The following SFI1 variants were observed in gnomAD, a reference collection of about 807,000 sequenced individuals.
SFI1 encodes the protein protein SFI1 homolog.
In SFI1, 195 loss-of-function variants were observed where a neutral mutation model predicts 207.5. The observed-to-expected ratio is 0.94, with a 90% CI of 0.84 to 1.06. SFI1 has a LOEUF of 1.06. SFI1 is among the 50% of genes least tolerant of loss of function. SFI1 has a pLI of 0.00. For synonymous variants in SFI1, 630 were observed against 598.9 expected (o/e 1.05, Z -0.76); for missense variants, 1,634 against 1,588.0 (o/e 1.03, Z -0.49).
chr22:31,596,254 AAAAT>A (rs2067093856), intron 15 of SFI1, among the ~76,000 whole-genome samples: 1 of 152,122 alleles, frequency 6.6e-6, no homozygotes, highest in African/African-American at 2.4e-5. Context: ...ACTCCATCTC[AAAAT>A]AAATATCTCT....
intron 8 of SFI1, 90 bp from the exon 9 acceptor site, chr22:31,572,968 C>A (rs1043322419): frequency 1.5e-6 from 2 of 1,324,388 alleles, no homozygotes; most frequent in Non-Finnish European, 2.1e-6. Flanking sequence ...GCCTTTCCAG[C>A]GTGTGTGCCT....
intron 14 of SFI1, chr22:31,587,357 A>G: frequency 2.7e-6 from 1 of 374,834 alleles, no homozygotes; most frequent in Non-Finnish European, 5.6e-6. Flanking sequence ...GCTGGAGTAC[A>G]GTGGCATGAT....
chr22:31,589,564 ACACGTTTC>A lies in SFI1; in HGVS notation c.1535_1542del (p.Arg512GlnfsTer40). 2 of 1,612,546 alleles carry A rather than the reference ACACGTTTC, an allele frequency of 1.2e-6. No homozygotes were observed. Among genetic ancestry groups the A allele is most frequent in the Non-Finnish European group, 1.7e-6 (2 of 1,179,670 alleles). On this transcript the variant is annotated frameshift_variant, in exon 15 of 33. Coordinates refer to ENST00000400288, the MANE Select transcript of SFI1 (RefSeq NM_001007467.3). LOFTEE classifies it high-confidence loss of function. ...GGAAAATGTCCTCAGTGCAAGAGCAACACGTTTCCACAGGTATGTTGCGCAGCTCCTGT... is the reference window on the plus strand; with the variant it reads ...GGAAAATGTCCTCAGTGCAAGAGCAACACAGGTATGTTGCGCAGCTCCTGT...
chr22:31,602,987 C>A (rs2068361013), intron 17 of SFI1, among the ~76,000 whole-genome samples: 1 of 152,240 alleles, frequency 6.6e-6, no homozygotes, highest in African/African-American at 2.4e-5. Flanking sequence ...AATCCCAGCA[C>A]TTTGGGAGGC....
chr22:31,618,258 G>A, intron 32 of SFI1, 32 bp downstream of exon 32: 1 of 1,599,604 alleles, frequency 6.3e-7, no homozygotes, highest in Admixed American at 1.8e-5. Flanking sequence ...AGGTGTCCCT[G>A]GGGACGCCCC....
At chr22:31,518,681 A>G (rs1361652403) in intron 2 of SFI1, among the ~76,000 whole-genome samples, 1 of 152,162 alleles carries the variant, frequency 6.6e-6, no homozygotes, top group Non-Finnish European at 1.5e-5. Flanking sequence ...GTGTCTGGAA[A>G]CTTAGATTTC....
Position 31,604,325 on chromosome 22 carries a change from G to A in SFI1, c.1898G>A (p.Gly633Glu), listed in dbSNP as rs776009958. Reference protein sequence around the residue: ...SQWRECLALRGAERQKLMRAD... With the variant: ...SQWRECLALREAERQKLMRAD... ...TGTCTGCAGTGCCTGGCCCTGCGGG[G>A]AGCGGAGCGGCAGAAGCTGATGCGA... The change falls in exon 19 of 33, where the codon GGA (glycine) becomes GAA (glutamate). Residue 633 changes from glycine to glutamate, a missense_variant. By Grantham distance (98) the Gly-to-Glu change is moderately conservative (BLOSUM62 -2). Coordinates refer to ENST00000400288, the MANE Select transcript of SFI1 (RefSeq NM_001007467.3). 2 of 1,578,350 alleles carry A rather than the reference G, an allele frequency of 1.3e-6. No homozygotes were observed. Among genetic ancestry groups the A allele is most frequent in the Non-Finnish European group, 1.7e-6 (2 of 1,164,138 alleles).
At chr22:31,500,516 G>A (rs1480238250) in intron 1 of SFI1, among the ~76,000 whole-genome samples, 1 of 152,202 alleles carries the variant, frequency 6.6e-6, no homozygotes, top group East Asian at 1.9e-4. Context: ...GGAATGCATT[G>A]GCATGATCTT....
At chr22:31,597,981 G>GTTTT (rs538696335) in intron 15 of SFI1, among the ~76,000 whole-genome samples, 1 of 144,124 alleles carries the variant, frequency 6.9e-6, no homozygotes, top group Non-Finnish European at 1.5e-5. Flanking sequence ...GTTTTCATAG[G>GTTTT]TTTTTTTTTT....
intron 12 of SFI1, among the ~76,000 whole-genome samples, chr22:31,582,554 T>C (rs2146198213): frequency 6.6e-6 from 1 of 152,048 alleles, no homozygotes; most frequent in African/African-American, 2.4e-5. Context: ...ACCCGGCCTA[T>C]TATATTTTTT....
At chr22:31,601,636 C>G (rs1044344036) in intron 15 of SFI1, among the ~76,000 whole-genome samples, 2 of 152,134 alleles carry the variant, frequency 1.3e-5, no homozygotes, top group Non-Finnish European at 2.9e-5. Context: ...GACCTGGGGT[C>G]TCAGGGTCTG....
chr22:31,532,728 G>A (rs2058642022), intron 4 of SFI1, among the ~76,000 whole-genome samples: 1 of 152,126 alleles, frequency 6.6e-6, no homozygotes, highest in African/African-American at 2.4e-5. Flanking sequence ...ATGTGGCTAT[G>A]TTACTGGCCA....
chr22:31,618,236 C>G lies in SFI1; in HGVS notation c.3624+10C>G, dbSNP rs1052388574. On this transcript the variant is annotated intron_variant, in intron 32 of 32. Transcript: ENST00000400288. ...GAAAGAGCTGGAACAGGTGAGGCCC[C>G]AGGCCATCCCCAGGTGTCCCTGGGG... The G allele has an allele frequency of 6.3e-7, 1 of 1,595,484 alleles. No homozygotes were observed. The highest frequency in any genetic ancestry group is 1.3e-5 in the African/African-American group (1 of 74,894).
chr22:31,508,491 T>A, intron 2 of SFI1, 115 bp downstream of exon 2: 1 of 671,568 alleles, frequency 1.5e-6, no homozygotes, highest in East Asian at 2.9e-5. Context: ...TGTGGGTAAG[T>A]TTTTTTTGTC....
chr22:31,528,757 G>T lies in SFI1; in HGVS notation c.160G>T (p.Ala54Ser), dbSNP rs753679212. Reference sequence around the variant, plus strand: ...GACACTGTCCAACAAGAAGTCTTCTGCATCCTTTGGGATCCGGAGGGAGTT... The same window carrying T: ...GACACTGTCCAACAAGAAGTCTTCTTCATCCTTTGGGATCCGGAGGGAGTT... ...AKTLSNKKSS[A>S]SFGIRRELPS... The change falls in exon 3 of 33, where the codon GCA (alanine) becomes TCA (serine). Residue 54 changes from alanine (A) to serine (S), a missense_variant. Transcript: ENST00000400288. 2.2e-5 allele frequency: 35 copies of T among 1,614,040 alleles called. No individual in the cohort carries two copies. The highest frequency in any genetic ancestry group is 1.6e-4 in the Middle Eastern group (1 of 6,084).
intron 4 of SFI1, among the ~76,000 whole-genome samples, chr22:31,533,833 A>G (rs1012387776): frequency 6.8e-4 from 58 of 85,448 alleles, no homozygotes; most frequent in Non-Finnish European, 1.6e-3. Context: ...TATTGTCAGA[A>G]TTCTCTCTTT....
intron 8 of SFI1, among the ~76,000 whole-genome samples, chr22:31,564,415 A>C (rs1173497379): frequency 2.0e-5 from 3 of 151,188 alleles, no homozygotes; most frequent in Non-Finnish European, 3.0e-5. Flanking sequence ...ATACTTGCAA[A>C]AAAAAAAAAA....
chr22:31,567,918 G>A (rs2062491663), intron 8 of SFI1, among the ~76,000 whole-genome samples: 1 of 152,064 alleles, frequency 6.6e-6, no homozygotes, highest in African/African-American at 2.4e-5. Flanking sequence ...TTAAAAGGAC[G>A]TAATGAACTG....
chr22:31,589,782 A>ATTTTTT (rs377108190), intron 15 of SFI1, among the ~76,000 whole-genome samples: 1,630 of 150,602 alleles, frequency 0.011, 8 homozygotes, highest in Middle Eastern at 0.031. Context: ...GTCCATCTTT[A>ATTTTTT]TTTATTTATT....
Sources: allele counts gnomAD v4.1 joint callset (sites outside exome capture counted in the v4.1 genomes callset), GRCh38; gene constraint gnomAD v4.1.1; transcripts MANE v1.5; gene names NCBI Gene and HGNC (gene_info 2026-07-23, HGNC 2026-07-21).